ATP8A1: variants seen among roughly 807,000 people sequenced by gnomAD.
ATP8A1 encodes ATPase phospholipid transporting 8A1.
A neutral mutation model predicts 177.7 loss-of-function variants in ATP8A1; 90 were observed. The observed-to-expected ratio is 0.51, with a 90% CI of 0.43 to 0.60. The LOEUF is 0.60. ATP8A1 is among the 20% of genes least tolerant of loss of function. ATP8A1 has a pLI of 0.00. For missense variants in ATP8A1, 1,072 were observed against 1,392.8 expected (o/e 0.77, Z 3.67); for synonymous variants, 493 against 485.9 (o/e 1.01, Z -0.19).
chr4:42,423,913 TATAAG>T (rs1321459884), intron 33 of ATP8A1, among the ~76,000 whole-genome samples: 1 of 152,218 alleles, frequency 6.6e-6, no homozygotes, highest in African/African-American at 2.4e-5. Flanking sequence ...TAAATTCTCT[TATAAG>T]ATATGGTGTA....
chr4:42,537,119 C>T (rs1257528308), intron 20 of ATP8A1, among the ~76,000 whole-genome samples: 4 of 143,384 alleles, frequency 2.8e-5, no homozygotes, highest in Admixed American at 2.2e-4. Context: ...GCAAAAAGAG[C>T]GAAACTCCGT....
At chr4:42,565,120 T>C (rs1456370304) in intron 15 of ATP8A1, among the ~76,000 whole-genome samples, 2 of 152,240 alleles carry the variant, frequency 1.3e-5, no homozygotes, top group Non-Finnish European at 2.9e-5. Context: ...TAAGTTCAAT[T>C]AAACCTCTTT....
At chr4:42,561,274 C>T (rs1730801970) in intron 15 of ATP8A1, among the ~76,000 whole-genome samples, 1 of 152,148 alleles carries the variant, frequency 6.6e-6, no homozygotes, top group Admixed American at 6.5e-5. Context: ...TTATGGTCTC[C>T]TCAATTCCAT....
At chr4:42,420,622 A>T (rs924511778) in intron 35 of ATP8A1, among the ~76,000 whole-genome samples, 13 of 152,236 alleles carry the variant, frequency 8.5e-5, no homozygotes, top group Non-Finnish European at 2.9e-5. Flanking sequence ...AGACAAACTA[A>T]GTATCACGTG....
At chr4:42,462,189 G>A (rs778961124) in intron 27 of ATP8A1, among the ~76,000 whole-genome samples, 1 of 152,250 alleles carries the variant, frequency 6.6e-6, no homozygotes, top group Non-Finnish European at 1.5e-5. Flanking sequence ...GCAGGCTGCA[G>A]AAATTCGCCT....
chr4:42,528,726 G>C (rs535991211), intron 20 of ATP8A1, among the ~76,000 whole-genome samples: 3 of 152,230 alleles, frequency 2.0e-5, no homozygotes, highest in Admixed American at 6.5e-5. Context: ...TATTCAGTGA[G>C]ACCTTGATTG....
At position 42,586,389 on chromosome 4, in the gene ATP8A1, G is replaced by C. The variant is rs1577648830; in HGVS notation, c.682C>G (p.Leu228Val). The C allele has an allele frequency of 1.2e-6, 2 of 1,614,084 alleles. No homozygotes were observed. Among genetic ancestry groups the C allele is most frequent in the Non-Finnish European group, 8.5e-7 (1 of 1,179,958 alleles). Reference protein sequence around the residue: ...RIECESPNRHLYDFVGNIRLD... With the variant: ...RIECESPNRHVYDFVGNIRLD... ...CTTATGTTTCCAACAAAATCGTAGAGATGTCTGTTTGGACTTTCACACTCA... is the reference window on the plus strand; with the variant it reads ...CTTATGTTTCCAACAAAATCGTAGACATGTCTGTTTGGACTTTCACACTCA... Residue 228 changes from leucine to valine, a missense_variant, in exon 9 of 37, where the codon CTC (leucine) becomes GTC (valine). Physicochemically the swap from Leu to Val is conservative, Grantham distance 32. This residue lies in a region of ATP8A1 where 344 missense variants were observed against 393.5 expected (regional missense o/e 0.87). Transcript: ENST00000381668.
chr4:42,656,463 G>A (rs912646086), intron 1 of ATP8A1, among the ~76,000 whole-genome samples: 1 of 152,096 alleles, frequency 6.6e-6, no homozygotes, highest in Non-Finnish European at 1.5e-5. Context: ...GTTGCAAAAC[G>A]GTGGGCGCCG....
At chr4:42,541,166 TAAAA>T (rs1239115186) in intron 20 of ATP8A1, among the ~76,000 whole-genome samples, 2 of 151,596 alleles carry the variant, frequency 1.3e-5, no homozygotes, top group Non-Finnish European at 2.9e-5. Context: ...ATTAAAAAAA[TAAAA>T]AAGTAACTAC....
chr4:42,638,898 A>G (rs1739654122), intron 1 of ATP8A1, among the ~76,000 whole-genome samples: 1 of 152,320 alleles, frequency 6.6e-6, no homozygotes, highest in Admixed American at 6.5e-5. Context: ...AGGCAGACTG[A>G]CACTACGGAC....
intron 8 of ATP8A1, among the ~76,000 whole-genome samples, chr4:42,587,403 G>A (rs542567031): frequency 3.3e-5 from 5 of 151,554 alleles, no homozygotes; most frequent in Non-Finnish European, 5.9e-5. Flanking sequence ...CGCCTCTCGG[G>A]TTCAAGCGAT....
chr4:42,558,569 A>C (rs191877627), intron 15 of ATP8A1, among the ~76,000 whole-genome samples: 5 of 152,364 alleles, frequency 3.3e-5, no homozygotes, highest in African/African-American at 1.2e-4. Flanking sequence ...ATATTCAAAG[A>C]ATATATGGCT....
intron 4 of ATP8A1, among the ~76,000 whole-genome samples, chr4:42,620,500 A>T (rs1737358695): frequency 6.6e-6 from 1 of 152,228 alleles, no homozygotes; most frequent in Non-Finnish European, 1.5e-5. Flanking sequence ...TCAAAGATGG[A>T]GTACTAGAAA....
In ATP8A1 at chr4:42,465,080, A is replaced by C; in HGVS notation, c.2325-4T>G. The stretch of plus-strand genomic sequence containing the variant: ...AGATTTTTGAAGAGGAGAAACCCTG[A>C]AATTGAAACACATTATCAATTACTG... On this transcript the variant is annotated splice_region_variant and splice_polypyrimidine_tract_variant and intron_variant, in intron 25 of 36. Transcript: ENST00000381668. The C allele has an allele frequency of 6.2e-7, 1 of 1,607,330 alleles. No individual in the cohort carries two copies. The highest frequency in any genetic ancestry group is 1.1e-5 in the South Asian group (1 of 90,312).
chr4:42,574,454 A>G (rs756137980), intron 14 of ATP8A1, among the ~76,000 whole-genome samples, 165 bp downstream of exon 14: 29 of 152,186 alleles, frequency 1.9e-4, no homozygotes, highest in Non-Finnish European at 4.0e-4. Context: ...ATGCTAAACT[A>G]GAAACGCGAA....
At chr4:42,603,202 C>T (rs1240134801) in intron 5 of ATP8A1, among the ~76,000 whole-genome samples, 1 of 152,154 alleles carries the variant, frequency 6.6e-6, no homozygotes. Context: ...TCAAGTCTTC[C>T]AATTCACGGA....
At chr4:42,574,769 G>A in intron 13 of ATP8A1, 62 bp from the exon 14 acceptor site, 1 of 1,138,480 alleles carries the variant, frequency 8.8e-7, no homozygotes, top group Non-Finnish European at 1.3e-6. Context: ...CTTTTACAGA[G>A]AAACCCCTCA....
chr4:42,535,010 T>A, intron 20 of ATP8A1, among the ~76,000 whole-genome samples: 1 of 152,044 alleles, frequency 6.6e-6, no homozygotes, highest in African/African-American at 2.4e-5. Context: ...AAAAGGAGTC[T>A]AAATCTGGAA....
intron 23 of ATP8A1, among the ~76,000 whole-genome samples, 162 bp from the exon 24 acceptor site, chr4:42,503,676 C>T (rs1724078139): frequency 6.6e-6 from 1 of 152,164 alleles, no homozygotes; most frequent in Non-Finnish European, 1.5e-5. Flanking sequence ...ATGAAATGCT[C>T]TTGCTTGCCA....
Sources: allele counts gnomAD v4.1 joint callset (sites outside exome capture counted in the v4.1 genomes callset), GRCh38; gene constraint gnomAD v4.1.1; regional missense constraint gnomAD v4.1.1; transcripts MANE v1.5; gene names NCBI Gene and HGNC (gene_info 2026-07-23, HGNC 2026-07-21).